The following LPIN1 variants were observed in gnomAD, a reference collection of about 807,000 sequenced individuals.
The protein encoded by LPIN1 is phosphatidate phosphatase LPIN1.
A neutral mutation model predicts 107.5 loss-of-function variants in LPIN1; 71 were observed. The ratio of observed to expected loss-of-function variants is 0.66; its 90% CI spans 0.55 to 0.80. The LOEUF (loss-of-function observed/expected upper bound fraction) is 0.80, where lower values mean the gene tolerates loss of function less well. Among genes scored for constraint, LPIN1 ranks in the 30% least tolerant of loss-of-function variants. The pLI is 0.00. For synonymous variants in LPIN1, 445 were observed against 452.6 expected (o/e 0.98, Z 0.21); for missense variants, 1,043 against 1,160.6 (o/e 0.90, Z 1.47).
intron 1 of LPIN1, among the ~76,000 whole-genome samples, chr2:11,703,102 C>T (rs1436807381): frequency 6.6e-6 from 1 of 152,116 alleles, no homozygotes; most frequent in African/African-American, 2.4e-5. Context: ...TTCTACATTC[C>T]CTGTTAGAGA....
chr2:11,754,390 A>ATG (rs1217447238), intron 1 of LPIN1, among the ~76,000 whole-genome samples: 1 of 152,208 alleles, frequency 6.6e-6, no homozygotes, highest in East Asian at 1.9e-4. Context: ...TCTCCAGGAA[A>ATG]TGATGAATCA....
intron 7 of LPIN1, among the ~76,000 whole-genome samples, chr2:11,780,038 G>C (rs1280126000): frequency 1.3e-5 from 2 of 151,974 alleles, no homozygotes; most frequent in African/African-American, 4.8e-5. Flanking sequence ...ATGCCACCAC[G>C]CCCCACTAAT....
At position 11,821,915 on chromosome 2, in the gene LPIN1, G is replaced by A. The variant is rs113072251; in HGVS notation, c.2621+1401G>A. ...GCAGTGCCAGGCTGCTTCCTGATTGGCAGAAAAACAGCAGGAACTTGATTC... is the reference window on the plus strand; with the variant it reads ...GCAGTGCCAGGCTGCTTCCTGATTGACAGAAAAACAGCAGGAACTTGATTC... On this transcript the variant is annotated intron_variant, in intron 20 of 20. Coordinates refer to ENST00000674199, the MANE Select transcript of LPIN1 (RefSeq NM_001349206.2). 5.0e-3 allele frequency among the ~76,000 whole-genome samples: 760 copies of A among 152,286 alleles called. 8 individuals carry two copies. The highest frequency in any genetic ancestry group is 0.017 in the African/African-American group (695 of 41,560).
chr2:11,717,643 A>T (rs1406378153), intron 2 of LPIN1, among the ~76,000 whole-genome samples: 1 of 152,046 alleles, frequency 6.6e-6, no homozygotes, highest in Non-Finnish European at 1.5e-5. Context: ...TGGCTTTTAG[A>T]ATTTTTAAAA....
chr2:11,744,188 G>A (rs1666650282), upstream of LPIN1, among the ~76,000 whole-genome samples: 1 of 152,220 alleles, frequency 6.6e-6, no homozygotes, highest in African/African-American at 2.4e-5. Context: ...ACTCATCCCT[G>A]GAGTTCCTTC....
chr2:11,684,902 C>T lies in LPIN1; in HGVS notation c.81+7174C>T, dbSNP rs896969020. 5.3e-5 allele frequency among the ~76,000 whole-genome samples: 8 copies of T among 151,500 alleles called. No individual in the cohort carries two copies. In the South Asian group the frequency reaches 6.3e-4, roughly 12 times the overall value. Reference sequence around the variant, plus strand: ...AATATTCACTAGGCGACACTGTGGCCGGCACTCTTCTAAGCACTGGAAATG... The same window carrying T: ...AATATTCACTAGGCGACACTGTGGCTGGCACTCTTCTAAGCACTGGAAATG... On this transcript the variant is annotated intron_variant, in intron 1 of 21. Transcript: ENST00000449576.
At chr2:11,691,438 G>T (rs925335439) in intron 1 of LPIN1, among the ~76,000 whole-genome samples, 15 of 152,164 alleles carry the variant, frequency 9.9e-5, no homozygotes, top group African/African-American at 3.6e-4. Flanking sequence ...ATTACCTTCA[G>T]TGTGAAGCCT....
chr2:11,680,775 G>C (rs144585454), intron 1 of LPIN1, among the ~76,000 whole-genome samples: 2,802 of 152,238 alleles, frequency 0.018, 37 homozygotes, highest in Middle Eastern at 0.037. Flanking sequence ...GGTGTGTGTG[G>C]TGACATTCGT....
intron 14 of LPIN1, among the ~76,000 whole-genome samples, chr2:11,799,153 C>T (rs1677243455): frequency 6.6e-6 from 1 of 152,200 alleles, no homozygotes; most frequent in African/African-American, 2.4e-5. Flanking sequence ...TAAGCCGAAA[C>T]CACCAACAGC....
At chr2:11,818,795 G>C (rs921601446) in intron 18 of LPIN1, 1 of 151,738 alleles carries the variant, frequency 6.6e-6, no homozygotes, top group African/African-American at 2.4e-5. Context: ...TTCTATTCCT[G>C]GTTGGAGTTC....
intron 17 of LPIN1, among the ~76,000 whole-genome samples, chr2:11,813,982 AGTT>A (rs956693571): frequency 1.3e-5 from 2 of 152,068 alleles, no homozygotes; most frequent in Admixed American, 1.3e-4. Flanking sequence ...TTCATAGACT[AGTT>A]GTTTCTTCAG....
At chr2:11,713,536 G>T (rs544488847) in intron 1 of LPIN1, among the ~76,000 whole-genome samples, 9 of 152,328 alleles carry the variant, frequency 5.9e-5, no homozygotes, top group Admixed American at 5.9e-4. Flanking sequence ...CTTCCAAAGT[G>T]CTGGGATTAC....
At chr2:11,805,191 A>C in intron 17 of LPIN1, 35 bp downstream of exon 17, 1 of 1,465,046 alleles carries the variant, frequency 6.8e-7, no homozygotes, top group Non-Finnish European at 9.6e-7. Context: ...GCCTCCTGTG[A>C]ACGCTGGTGT....
rs147952648 is a variant in LPIN1 at position 11,794,287 on chromosome 2, A to G, written c.1807-1121A>G. 2.7e-3 allele frequency among the ~76,000 whole-genome samples: 407 copies of G among 152,350 alleles called. 1 individual carries two copies. Among genetic ancestry groups the G allele is most frequent in the African/African-American group, 9.5e-3 (396 of 41,590 alleles). On this transcript the variant is annotated intron_variant, in intron 13 of 20. Coordinates refer to ENST00000674199, the MANE Select transcript of LPIN1 (RefSeq NM_001349206.2). ...TATATTTCAGTGACTTCTTTGTAGAATATCCAAATTCTCACCAGTTTGCAT... is the reference window on the plus strand; with the variant it reads ...TATATTTCAGTGACTTCTTTGTAGAGTATCCAAATTCTCACCAGTTTGCAT...
chr2:11,719,984 C>A (rs1176940549), upstream of LPIN1, among the ~76,000 whole-genome samples: 2 of 152,044 alleles, frequency 1.3e-5, no homozygotes, highest in Non-Finnish European at 2.9e-5. Context: ...TTCCAATCCT[C>A]CCTTTTATCA....
rs751876695 is a variant in LPIN1, at chr2:11,824,960, A to G, written c.*169A>G. On this transcript the variant is annotated 3_prime_UTR_variant, in exon 21 of 21. Transcript: ENST00000674199. Reference sequence around the variant, plus strand: ...TCCCCTGCCCCACCCCGGGGCTGACATTTCTAAGCAAGATAGGAAGGGAGC... The same window carrying G: ...TCCCCTGCCCCACCCCGGGGCTGACGTTTCTAAGCAAGATAGGAAGGGAGC... 4 of 724,130 alleles carry G rather than the reference A, an allele frequency of 5.5e-6. No individual in the cohort carries two copies. The highest frequency in any genetic ancestry group is 1.8e-5 in the African/African-American group (1 of 56,456). 44.9% of individuals were successfully genotyped at this position (724,130 alleles called of 1,614,324 possible).
intron 1 of LPIN1, chr2:11,681,578 A>G (rs1217123032): frequency 6.6e-6 from 1 of 152,528 alleles, no homozygotes; most frequent in Non-Finnish European, 1.5e-5. Context: ...TTTATAAATT[A>G]CCCAGGTTCG....
At chr2:11,792,143 A>T (rs1675865532) in intron 13 of LPIN1, 137 bp downstream of exon 13, 1 of 764,346 alleles carries the variant, frequency 1.3e-6, no homozygotes, top group Non-Finnish European at 2.2e-6. Flanking sequence ...CTCTGCCATG[A>T]AGTAGGGCGA....
In LPIN1 at chr2:11,800,798, T is replaced by C. The variant is rs1677582617; in HGVS notation, c.1887-2109T>C. ...GACAATCCTGGTACTTCTTCTCTTA[T>C]GAAATTCAGATCCTTTCCCCACTTT... On this transcript the variant is annotated intron_variant, in intron 14 of 20. Coordinates refer to ENST00000674199, the MANE Select transcript of LPIN1 (RefSeq NM_001349206.2). Among the ~76,000 whole-genome samples, 3 of 152,340 alleles carry C rather than the reference T, an allele frequency of 2.0e-5. No homozygotes were observed. In the South Asian group the frequency reaches 6.2e-4, roughly 32 times the overall value.
Sources: allele counts gnomAD v4.1 joint callset (sites outside exome capture counted in the v4.1 genomes callset), GRCh38; gene constraint gnomAD v4.1.1; transcripts MANE v1.5; gene names NCBI Gene and HGNC (gene_info 2026-07-23, HGNC 2026-07-21).